SAMD3: variants seen among roughly 807,000 people sequenced by gnomAD.
The protein encoded by SAMD3 is sterile alpha motif domain-containing protein 3.
Under a neutral mutation model 58.5 loss-of-function variants are expected in SAMD3, and 63 were observed. That is an observed-to-expected ratio of 1.08 (90% CI 0.88 to 1.33). The LOEUF is 1.33. SAMD3 is among the 40% of genes most tolerant of loss of function. The pLI is 0.00. For missense variants in SAMD3, 604 were observed against 608.4 expected (o/e 0.99, Z 0.08); for synonymous variants, 220 against 210.3 (o/e 1.05, Z -0.40).
intron 2 of SAMD3, among the ~76,000 whole-genome samples, chr6:130,292,291 A>T: frequency 8.1e-6 from 1 of 123,092 alleles, no homozygotes; most frequent in African/African-American, 3.5e-5. Context: ...TTTTTTTGAG[A>T]CGGAGTCTCG....
At chr6:130,283,950 T>C (rs1243121668) in intron 2 of SAMD3, among the ~76,000 whole-genome samples, 1 of 152,204 alleles carries the variant, frequency 6.6e-6, no homozygotes, top group Non-Finnish European at 1.5e-5. Context: ...CCAGTGATTC[T>C]CCTTCCTCAG....
intron 5 of SAMD3, among the ~76,000 whole-genome samples, chr6:130,188,113 T>C: frequency 6.6e-6 from 1 of 152,214 alleles, no homozygotes; most frequent in South Asian, 2.1e-4. Flanking sequence ...GGCATTTTCA[T>C]AAAAAAGCTA....
In SAMD3 at chr6:130,249,556, A is replaced by T. The variant is rs1773671172; in HGVS notation, c.-187-26743T>A. Reference sequence around the variant, plus strand: ...TCTGCATCCCACGGTGTATGCTTTTATTCTATTATACAGAATTAAGGAAAC... The same window carrying T: ...TCTGCATCCCACGGTGTATGCTTTTTTTCTATTATACAGAATTAAGGAAAC... On this transcript the variant is annotated intron_variant, in intron 2 of 13. Transcript: ENST00000368134. Among the ~76,000 whole-genome samples the T allele has an allele frequency of 1.3e-5, 2 of 152,158 alleles. 1 individual carries two copies. The highest frequency in any genetic ancestry group is 4.1e-4 in the South Asian group (2 of 4,828).
At chr6:130,144,306 C>A, downstream of SAMD3, 1 of 523,510 alleles carries the variant, frequency 1.9e-6, no homozygotes, top group Non-Finnish European at 3.3e-6. Flanking sequence ...CAAAATAAAT[C>A]GACAGCTCTT....
At chr6:130,303,982 A>C (rs1339910094) in intron 2 of SAMD3, among the ~76,000 whole-genome samples, 1 of 151,672 alleles carries the variant, frequency 6.6e-6, no homozygotes, top group African/African-American at 2.4e-5. Context: ...TAAGTTTGTC[A>C]TTTTTGTTTT....
chr6:130,209,999 A>G (rs1388535678), intron 4 of SAMD3, among the ~76,000 whole-genome samples: 1 of 152,224 alleles, frequency 6.6e-6, no homozygotes, highest in East Asian at 1.9e-4. Context: ...CCATTTTGGG[A>G]GACATTTTAT....
intron 4 of SAMD3, 24 bp from the exon 5 acceptor site, chr6:130,209,632 G>T: frequency 6.8e-7 from 1 of 1,468,834 alleles, no homozygotes; most frequent in Non-Finnish European, 9.5e-7. Flanking sequence ...GGTGGGTCAG[G>T]CACTATTCAA....
chr6:130,364,252 T>G (rs1483843962), intron 1 of SAMD3, among the ~76,000 whole-genome samples: 1 of 152,202 alleles, frequency 6.6e-6, no homozygotes, highest in Non-Finnish European at 1.5e-5. Flanking sequence ...AAGAATGTGC[T>G]TATTCCTTTT....
At chr6:130,302,993 C>T (rs903288485) in intron 2 of SAMD3, among the ~76,000 whole-genome samples, 1 of 152,144 alleles carries the variant, frequency 6.6e-6, no homozygotes, top group African/African-American at 2.4e-5. Context: ...GAGTTAACTA[C>T]AAGCCCAAAC....
At chr6:130,259,379 G>C (rs2114919835) in intron 2 of SAMD3, among the ~76,000 whole-genome samples, 1 of 152,300 alleles carries the variant, frequency 6.6e-6, no homozygotes, top group African/African-American at 2.4e-5. Flanking sequence ...GAGAAAGCAA[G>C]AGCGTGGAGC....
intron 8 of SAMD3, among the ~76,000 whole-genome samples, chr6:130,163,891 A>G (rs565876283): frequency 1.3e-5 from 2 of 152,294 alleles, no homozygotes; most frequent in Admixed American, 1.3e-4. Context: ...AAGCTATTTC[A>G]TAGCTTTCAA....
At position 130,181,698 on chromosome 6, in the gene SAMD3, C is replaced by G. The variant is rs559315048; in HGVS notation, c.654+2405G>C. 2.6e-5 allele frequency among the ~76,000 whole-genome samples: 4 copies of G among 152,222 alleles called. No individual in the cohort carries two copies. In the East Asian group the frequency reaches 7.7e-4, roughly 29 times the overall value. On this transcript the variant is annotated intron_variant, in intron 7 of 11. Coordinates refer to ENST00000439090, the MANE Select transcript of SAMD3 (RefSeq NM_001017373.4). Reference sequence around the variant, plus strand: ...TATATGCAAAGATTCTCTAGAGGGACTCTAATAGTATTGGTTACTTATGGG... The same window carrying G: ...TATATGCAAAGATTCTCTAGAGGGAGTCTAATAGTATTGGTTACTTATGGG...
At chr6:130,292,846 C>A (rs1229459332) in intron 2 of SAMD3, among the ~76,000 whole-genome samples, 1 of 149,500 alleles carries the variant, frequency 6.7e-6, no homozygotes, top group Non-Finnish European at 1.5e-5. Flanking sequence ...TCTCGATCTC[C>A]TGACCTCGTG....
intron 2 of SAMD3, among the ~76,000 whole-genome samples, chr6:130,250,944 T>G (rs929828012): frequency 6.6e-6 from 1 of 152,226 alleles, no homozygotes; most frequent in African/African-American, 2.4e-5. Flanking sequence ...TCATTTCTCT[T>G]GTGTATATAC....
At chr6:130,159,161 G>T (rs1024522415) in intron 8 of SAMD3, among the ~76,000 whole-genome samples, 1 of 152,132 alleles carries the variant, frequency 6.6e-6, no homozygotes, top group Non-Finnish European at 1.5e-5. Context: ...ATTGAATCAT[G>T]GGGGCAAGTC....
chr6:130,270,851 C>T (rs1388755601), intron 2 of SAMD3, among the ~76,000 whole-genome samples: 2 of 152,180 alleles, frequency 1.3e-5, no homozygotes, highest in Non-Finnish European at 2.9e-5. Flanking sequence ...CACTTACATA[C>T]ATATTTCTTA....
rs1307913759 is a variant in SAMD3, at chr6:130,215,403, T to C, written c.-21-109A>G. ...TTGCTAGACTCCTTTATCTTCTCAA[T>C]GTTAAGCTTTTTTAAAATTACTATT... On this transcript the variant is annotated intron_variant, in intron 2 of 11. Transcript: ENST00000439090. The C allele has an allele frequency of 2.5e-6, 3 of 1,222,904 alleles. No individual in the cohort carries two copies. In the East Asian group the frequency reaches 8.9e-5, roughly 36 times the overall value. 75.8% of individuals were successfully genotyped at this position (1,222,904 alleles called of 1,614,324 possible). A position where few individuals can be genotyped will look rare whatever the true frequency, so the allele number is the denominator to read the frequency against.
At chr6:130,254,647 C>T (rs545810087) in intron 2 of SAMD3, among the ~76,000 whole-genome samples, 1 of 125,042 alleles carries the variant, frequency 8.0e-6, no homozygotes. Flanking sequence ...GAGTTTGAAG[C>T]CAGCCTGATT....
intron 1 of SAMD3, among the ~76,000 whole-genome samples, chr6:130,352,403 A>T (rs1358366013): frequency 6.6e-6 from 1 of 152,132 alleles, no homozygotes; most frequent in Non-Finnish European, 1.5e-5. Flanking sequence ...GGAGTTTTGA[A>T]TTGGAACTTC....
Sources: allele counts gnomAD v4.1 joint callset (sites outside exome capture counted in the v4.1 genomes callset), GRCh38; gene constraint gnomAD v4.1.1; transcripts MANE v1.5; gene names NCBI Gene and HGNC (gene_info 2026-07-23, HGNC 2026-07-21).